PARP8: variants seen among roughly 807,000 people sequenced by gnomAD.
The protein encoded by PARP8 is poly(ADP-ribose) polymerase family member 8.
Under a neutral mutation model 124.1 loss-of-function variants are expected in PARP8, and 51 were observed. The ratio of observed to expected loss-of-function variants is 0.41; its 90% confidence interval spans 0.33 to 0.52. The LOEUF is 0.52. PARP8 is among the 20% of genes least tolerant of loss of function. PARP8 has a pLI of 0.21. For synonymous variants in PARP8, 391 were observed against 361.5 expected (o/e 1.08, Z -0.93); for missense variants, 860 against 1,018.9 (o/e 0.84, Z 2.12).
At chr5:50,816,061 T>G (rs1336378020) in intron 15 of PARP8, among the ~76,000 whole-genome samples, 1 of 151,812 alleles carries the variant, frequency 6.6e-6, no homozygotes, top group East Asian at 1.9e-4. Context: ...AAGAAAACTC[T>G]AAAAAATTAA....
chr5:50,731,414 C>A (rs1292065180), intron 2 of PARP8, among the ~76,000 whole-genome samples: 3 of 152,148 alleles, frequency 2.0e-5, no homozygotes, highest in Admixed American at 6.5e-5. Context: ...ATAGGAAATT[C>A]ATAGCAGTGT....
intron 14 of PARP8, among the ~76,000 whole-genome samples, chr5:50,800,662 A>G (rs998653316): frequency 1.3e-5 from 2 of 151,320 alleles, no homozygotes; most frequent in Non-Finnish European, 2.9e-5. Flanking sequence ...TCTTGATATT[A>G]CTATGTTTTT....
intron 2 of PARP8, among the ~76,000 whole-genome samples, chr5:50,700,581 A>G (rs1753490529): frequency 4.6e-5 from 7 of 152,208 alleles, no homozygotes; most frequent in Admixed American, 2.0e-4. Flanking sequence ...AATTTGAGCA[A>G]CTACAAGGAA....
intron 2 of PARP8, among the ~76,000 whole-genome samples, chr5:50,693,924 AAC>A (rs1296570139): frequency 1.3e-5 from 2 of 151,934 alleles, no homozygotes; most frequent in African/African-American, 4.8e-5. Context: ...TACACACACA[AAC>A]ACACATTTGC....
At chr5:50,765,203 A>G (rs1211534565) in intron 7 of PARP8, among the ~76,000 whole-genome samples, 2 of 152,058 alleles carry the variant, frequency 1.3e-5, no homozygotes. Flanking sequence ...CGGAGGTTGC[A>G]GTGAGCTGAG....
chr5:50,805,272 T>C (rs959833287), intron 14 of PARP8, among the ~76,000 whole-genome samples: 30 of 152,116 alleles, frequency 2.0e-4, no homozygotes, highest in African/African-American at 7.2e-4. Context: ...AAATAATGAT[T>C]GAGCTAATAT....
intron 2 of PARP8, among the ~76,000 whole-genome samples, chr5:50,672,590 T>G (rs1462012152): frequency 6.6e-6 from 1 of 152,158 alleles, no homozygotes; most frequent in African/African-American, 2.4e-5. Context: ...AGGGGACAGA[T>G]AATGCAATAT....
intron 14 of PARP8, among the ~76,000 whole-genome samples, chr5:50,810,760 TAA>T (rs747386556): frequency 3.9e-5 from 6 of 152,048 alleles, no homozygotes; most frequent in Non-Finnish European, 7.4e-5. Flanking sequence ...ACCTCAAAAC[TAA>T]AGTCATTTAC....
chr5:50,760,054 G>C (rs1760391789), intron 4 of PARP8, among the ~76,000 whole-genome samples: 1 of 152,146 alleles, frequency 6.6e-6, no homozygotes, highest in Admixed American at 6.5e-5. Flanking sequence ...TAGAGTGAGA[G>C]CTGAAGGAAT....
At chr5:50,816,080 A>C (rs902138107) in intron 15 of PARP8, among the ~76,000 whole-genome samples, 2 of 152,204 alleles carry the variant, frequency 1.3e-5, no homozygotes, top group African/African-American at 2.4e-5. Flanking sequence ...AATGAACATT[A>C]ATTAAGAGAG....
chr5:50,824,331 G>A (rs1201259519), intron 17 of PARP8, among the ~76,000 whole-genome samples: 3 of 152,160 alleles, frequency 2.0e-5, no homozygotes, highest in African/African-American at 7.2e-5. Flanking sequence ...TTTATTCAGA[G>A]CACTGCAGTG....
chr5:50,805,340 G>A (rs1227078903), intron 14 of PARP8, among the ~76,000 whole-genome samples: 5 of 152,034 alleles, frequency 3.3e-5, no homozygotes. Context: ...GGCACTGTGG[G>A]TAGATATTTG....
At chr5:50,825,037 GA>G (rs1746190232) in intron 18 of PARP8, 62 bp downstream of exon 18, 4 of 1,374,930 alleles carry the variant, frequency 2.9e-6, no homozygotes, top group Middle Eastern at 1.8e-4. Flanking sequence ...TTGATTTAAG[GA>G]AAAAAACCAA....
chr5:50,812,024 T>A (rs1744513739), intron 14 of PARP8, among the ~76,000 whole-genome samples: 2 of 152,236 alleles, frequency 1.3e-5, no homozygotes, highest in Admixed American at 1.3e-4. Context: ...GTCTTTGCTA[T>A]TGTGAATAGT....
At chr5:50,781,551 C>G (rs1329928596) in intron 9 of PARP8, among the ~76,000 whole-genome samples, 1 of 152,178 alleles carries the variant, frequency 6.6e-6, no homozygotes, top group Admixed American at 6.5e-5. Context: ...GGGCTGTGAG[C>G]TCTGCTGGTG....
At chr5:50,826,575 G>A (rs1273463104) in intron 18 of PARP8, among the ~76,000 whole-genome samples, 180 bp from the exon 19 acceptor site, 1 of 151,898 alleles carries the variant, frequency 6.6e-6, no homozygotes, top group Non-Finnish European at 1.5e-5. Flanking sequence ...TACCTTTTTT[G>A]TTACATAAGC....
chr5:50,717,162 T>G (rs2149496552), intron 2 of PARP8, among the ~76,000 whole-genome samples: 1 of 152,196 alleles, frequency 6.6e-6, no homozygotes, highest in South Asian at 2.1e-4. Flanking sequence ...AAGGCTGTAT[T>G]CTCTGCATGC....
At chr5:50,765,755 T>C (rs1027211355) in intron 7 of PARP8, among the ~76,000 whole-genome samples, 2 of 152,198 alleles carry the variant, frequency 1.3e-5, no homozygotes, top group Non-Finnish European at 2.9e-5. Context: ...TTTACTTAAA[T>C]GGGAATGAAT....
chr5:50,761,869 G>A lies in PARP8; in HGVS notation c.394G>A (p.Asp132Asn). Residue 132 changes from aspartate to asparagine, a missense_variant, in exon 6 of 26, where the codon GAT (aspartate) becomes AAT (asparagine). Physicochemically the swap from Asp to Asn is conservative, Grantham distance 23 (BLOSUM62 1). This residue lies in a region of PARP8 where 517 missense variants were observed against 544.2 expected (regional missense o/e 0.95). Transcript: ENST00000281631. ...TVEEDSEGDN[D>N]SEEFYYGGQV... is the part of the protein sequence containing the mutation. ...GGAGGAAGATTCTGAAGGTGACAAT[G>A]ATTCCGAAGAATTTTATTACGGAGG... 6.2e-7 allele frequency: 1 copy of A among 1,604,358 alleles called. No individual in the cohort carries two copies. The highest frequency in any genetic ancestry group is 8.5e-7 in the Non-Finnish European group (1 of 1,173,404).
Sources: allele counts gnomAD v4.1 joint callset (sites outside exome capture counted in the v4.1 genomes callset), GRCh38; gene constraint gnomAD v4.1.1; regional missense constraint gnomAD v4.1.1; transcripts MANE v1.5; gene names NCBI Gene and HGNC (gene_info 2026-07-23, HGNC 2026-07-21).